CNTNAP2: variants seen among roughly 807,000 people sequenced by gnomAD.
CNTNAP2 encodes the protein contactin-associated protein-like 2.
In CNTNAP2, 98 loss-of-function variants were observed where a neutral mutation model predicts 155.2. The observed-to-expected ratio is 0.63, with a 90% CI of 0.54 to 0.75. The LOEUF is 0.75. CNTNAP2 is among the 30% of genes least tolerant of loss of function. CNTNAP2 has a pLI of 0.00. For missense variants in CNTNAP2, 1,727 were observed against 1,688.1 expected, an observed-to-expected ratio of 1.02 and a Z score of -0.40; for synonymous variants, 651 against 631.2, an observed-to-expected ratio of 1.03 and a Z score of -0.47.
chr7:147,525,048 A>T (rs1293944908), intron 11 of CNTNAP2, among the ~76,000 whole-genome samples: 4 of 152,224 alleles, frequency 2.6e-5, no homozygotes, highest in South Asian at 2.1e-4. Flanking sequence ...GACAGCAGGG[A>T]AAGTCGGGGG....
chr7:146,292,692 A>G (rs1383675096), intron 1 of CNTNAP2, among the ~76,000 whole-genome samples: 1 of 152,234 alleles, frequency 6.6e-6, no homozygotes, highest in Non-Finnish European at 1.5e-5. Context: ...GTGCAGCACT[A>G]TTCAGCTTTA....
intron 10 of CNTNAP2, among the ~76,000 whole-genome samples, chr7:147,465,908 C>T (rs776884263): frequency 4.2e-4 from 61 of 146,280 alleles, no homozygotes; most frequent in Non-Finnish European, 7.0e-4. Context: ...ATTCAATGGA[C>T]GTTTTAAATA....
intron 4 of CNTNAP2, among the ~76,000 whole-genome samples, chr7:147,074,708 TA>T (rs1799962698): frequency 6.6e-6 from 1 of 152,206 alleles, no homozygotes; most frequent in Non-Finnish European, 1.5e-5. Flanking sequence ...ATCAATCATT[TA>T]AATAATATTA....
chr7:147,805,845 C>T (rs1687986943), intron 13 of CNTNAP2, among the ~76,000 whole-genome samples: 1 of 152,128 alleles, frequency 6.6e-6, no homozygotes, highest in Non-Finnish European at 1.5e-5. Context: ...TCTTGAGAAT[C>T]AAATCAAAAT....
intron 13 of CNTNAP2, among the ~76,000 whole-genome samples, chr7:147,832,054 A>C (rs1213590729): frequency 6.6e-6 from 1 of 151,308 alleles, no homozygotes; most frequent in Non-Finnish European, 1.5e-5. Flanking sequence ...ACCTCATCTT[A>C]TCTCTTGATG....
At chr7:147,736,574 G>A (rs1319250121) in intron 13 of CNTNAP2, among the ~76,000 whole-genome samples, 1 of 152,164 alleles carries the variant, frequency 6.6e-6, no homozygotes, top group Non-Finnish European at 1.5e-5. Flanking sequence ...GACCTGCTTT[G>A]CTAGATTGGG....
chr7:148,106,404 T>C (rs930918905), intron 15 of CNTNAP2, among the ~76,000 whole-genome samples: 7 of 150,692 alleles, frequency 4.6e-5, no homozygotes, highest in African/African-American at 1.7e-4. Context: ...GCATAAATAT[T>C]CATCCCTGGG....
At chr7:147,742,397 A>G (rs1175042868) in intron 13 of CNTNAP2, among the ~76,000 whole-genome samples, 1 of 152,168 alleles carries the variant, frequency 6.6e-6, no homozygotes, top group Admixed American at 6.5e-5. Context: ...ATAATGATTC[A>G]CCATACACTC....
chr7:147,125,311 G>A (rs1350740679), intron 6 of CNTNAP2, among the ~76,000 whole-genome samples: 1 of 152,050 alleles, frequency 6.6e-6, no homozygotes, highest in Non-Finnish European at 1.5e-5. Flanking sequence ...CACCGCTCCC[G>A]GCATATATGG....
chr7:146,347,646 A>G (rs970817962), intron 1 of CNTNAP2, among the ~76,000 whole-genome samples: 4 of 151,932 alleles, frequency 2.6e-5, no homozygotes, highest in African/African-American at 9.7e-5. Flanking sequence ...GCTCACTGCA[A>G]CCTCCACCTC....
chr7:148,074,517 C>CT (rs1030437978), intron 15 of CNTNAP2, among the ~76,000 whole-genome samples: 3 of 151,160 alleles, frequency 2.0e-5, no homozygotes, highest in African/African-American at 7.3e-5. Context: ...ATGGTGAAAC[C>CT]CGTCTCTACT....
intron 15 of CNTNAP2, among the ~76,000 whole-genome samples, chr7:147,980,933 C>CAAAAAAA (rs34927518): frequency 2.3e-4 from 22 of 94,002 alleles, no homozygotes; most frequent in African/African-American, 2.6e-4. Flanking sequence ...TCCATCTTAA[C>CAAAAAAA]AAAAAAAAAA....
At chr7:147,552,534 G>A (rs1369526426) in intron 11 of CNTNAP2, among the ~76,000 whole-genome samples, 1 of 151,218 alleles carries the variant, frequency 6.6e-6, no homozygotes, top group African/African-American at 2.4e-5. Flanking sequence ...AAAACAAATG[G>A]AGAATTTGAA....
At chr7:147,352,271 A>C (rs1795980214) in intron 9 of CNTNAP2, among the ~76,000 whole-genome samples, 1 of 152,010 alleles carries the variant, frequency 6.6e-6, no homozygotes, top group African/African-American at 2.4e-5. Flanking sequence ...AACAAATAGA[A>C]ATAATTTGTA....
intron 16 of CNTNAP2, among the ~76,000 whole-genome samples, chr7:148,125,937 A>T (rs988003882): frequency 6.6e-6 from 1 of 152,042 alleles, no homozygotes; most frequent in Non-Finnish European, 1.5e-5. Context: ...TCCTGACCTC[A>T]AGTGATCTGC....
chr7:146,380,787 T>A (rs1795371982), intron 1 of CNTNAP2, among the ~76,000 whole-genome samples: 1 of 32,124 alleles, frequency 3.1e-5, no homozygotes, highest in Non-Finnish European at 5.4e-5. Flanking sequence ...GCACGTTCTT[T>A]TTTTTTTTTT....
intron 13 of CNTNAP2, among the ~76,000 whole-genome samples, chr7:147,795,048 T>C (rs576350006): frequency 7.9e-5 from 12 of 152,004 alleles, no homozygotes. Context: ...GTTTTGATTA[T>C]GTTAACTATC....
intron 1 of CNTNAP2, among the ~76,000 whole-genome samples, chr7:146,495,677 G>A (rs1212562347): frequency 5.3e-5 from 8 of 151,708 alleles, no homozygotes; most frequent in African/African-American, 1.9e-4. Flanking sequence ...GGTTTTTTGA[G>A]GTTGAATAGT....
At chr7:146,790,795 T>C (rs1231494502) in intron 2 of CNTNAP2, among the ~76,000 whole-genome samples, 2 of 151,882 alleles carry the variant, frequency 1.3e-5, no homozygotes, top group African/African-American at 4.8e-5. Context: ...GGTCTCAATC[T>C]CCTGACCTTG....
Sources: allele counts gnomAD v4.1 joint callset (sites outside exome capture counted in the v4.1 genomes callset), GRCh38; gene constraint gnomAD v4.1.1; transcripts MANE v1.5; gene names NCBI Gene and HGNC (gene_info 2026-07-23, HGNC 2026-07-21).